ZNF69: variants seen among roughly 807,000 people sequenced by gnomAD.
ZNF69 encodes the protein ZNF3.
In ZNF69, 47 loss-of-function variants were observed where a neutral mutation model predicts 50.9. That is an observed-to-expected ratio of 0.92 (90% CI 0.73 to 1.18). ZNF69 has a LOEUF of 1.18. ZNF69 is among the 50% of genes most tolerant of loss of function. ZNF69 has a pLI of 0.00. For missense variants in ZNF69, 717 were observed against 675.1 expected (o/e 1.06, Z -0.69); for synonymous variants, 216 against 223.1 (o/e 0.97, Z 0.29).
chr19:11,888,002 C>T lies in ZNF69; in HGVS notation c.63+16C>T, dbSNP rs1008758498. On this transcript the variant is annotated intron_variant, in intron 1 of 3. Transcript: ENST00000429654. Reference sequence around the variant, plus strand: ...CCAGGAAATGGTGCGTGTCTGGGGCCGGGTGTCGTGAGACGGGGGAGGGGC... The same window carrying T: ...CCAGGAAATGGTGCGTGTCTGGGGCTGGGTGTCGTGAGACGGGGGAGGGGC... 1.4e-5 allele frequency: 22 copies of T among 1,602,858 alleles called. No homozygotes were observed. In the African/African-American group the frequency reaches 2.7e-4, roughly 20 times the overall value.
At chr19:11,920,311 C>T in the ZNF69 span, among the ~76,000 whole-genome samples, 91 of 152,152 alleles carry the variant, frequency 6.0e-4, 1 homozygote, top group East Asian at 0.011. Context: ...CAAGGTTTCA[C>T]CATGTTGGCC....
At chr19:11,953,698 A>C in the ZNF69 span, among the ~76,000 whole-genome samples, 2 of 152,214 alleles carry the variant, frequency 1.3e-5, no homozygotes, top group Non-Finnish European at 2.9e-5. Context: ...GACCCACAAT[A>C]AAAAAGGTGG....
the ZNF69 span, chr19:11,948,951 A>G: frequency 6.2e-7 from 1 of 1,608,354 alleles, no homozygotes; most frequent in South Asian, 1.1e-5. Flanking sequence ...ATCAATGCAA[A>G]GAATGTGGAA....
chr19:11,940,179 C>G, the ZNF69 span, among the ~76,000 whole-genome samples: 2 of 152,292 alleles, frequency 1.3e-5, no homozygotes, highest in East Asian at 3.9e-4. Context: ...ATCGACCTGC[C>G]TCGGCCTCCA....
the ZNF69 span, chr19:11,925,311 G>A: frequency 1.9e-6 from 3 of 1,606,754 alleles, no homozygotes; most frequent in East Asian, 2.2e-5. Context: ...GACGGGGGAG[G>A]GGCTGCCTGG....
At chr19:11,941,144 C>T in the ZNF69 span, among the ~76,000 whole-genome samples, 2 of 152,244 alleles carry the variant, frequency 1.3e-5, no homozygotes, top group Admixed American at 6.5e-5. Flanking sequence ...AAGCTAGATA[C>T]AGAGTGCCGA....
At chr19:11,891,082 A>G (rs986829572) in intron 1 of ZNF69, among the ~76,000 whole-genome samples, 2 of 152,284 alleles carry the variant, frequency 1.3e-5, no homozygotes, top group Admixed American at 6.5e-5. Context: ...GATCTCACAC[A>G]GGAAAGAATT....
the ZNF69 span, among the ~76,000 whole-genome samples, chr19:11,942,971 C>T: frequency 6.6e-6 from 1 of 152,276 alleles, no homozygotes; most frequent in East Asian, 1.9e-4. Flanking sequence ...CTACCTAGGT[C>T]TTCCTGCAAG....
At chr19:11,978,164 T>C in the ZNF69 span, 2 of 1,613,914 alleles carry the variant, frequency 1.2e-6, no homozygotes, top group Non-Finnish European at 1.7e-6. Context: ...ACAGTCATTG[T>C]GGAGAAACTT....
the ZNF69 span, chr19:11,947,607 C>G: frequency 9.3e-5 from 146 of 1,575,050 alleles, 1 homozygote; most frequent in Non-Finnish European, 1.2e-4. Flanking sequence ...AGCAGTGTCT[C>G]TCTGCACAAT....
At chr19:11,960,803 A>G in the ZNF69 span, among the ~76,000 whole-genome samples, 7 of 152,090 alleles carry the variant, frequency 4.6e-5, no homozygotes, top group African/African-American at 1.7e-4. Flanking sequence ...TTGCTCCTTC[A>G]TACAGTCATA....
the ZNF69 span, chr19:11,947,380 G>A: frequency 8.1e-6 from 13 of 1,608,110 alleles, no homozygotes; most frequent in Admixed American, 1.6e-4. Context: ...GCTGTTGAGT[G>A]ATTTTGAACA....
the ZNF69 span, chr19:11,947,725 A>G: frequency 1.2e-6 from 1 of 801,326 alleles, no homozygotes; most frequent in Non-Finnish European, 2.0e-6. Context: ...TTTAAACGTG[A>G]CTGAGGCTGA....
the ZNF69 span, among the ~76,000 whole-genome samples, chr19:11,919,683 G>A: frequency 6.6e-6 from 1 of 152,088 alleles, no homozygotes; most frequent in Non-Finnish European, 1.5e-5. Context: ...TTATAAAGGA[G>A]GGCTCTCACA....
rs1283304419 is a variant in ZNF69, at chr19:11,906,133, T to C, written c.*35T>C. ...TTCAGATCTGCCTCACACCTTTGAATGCATGGTAGGACACACAATCAAGAG... is the reference window on the plus strand; with the variant it reads ...TTCAGATCTGCCTCACACCTTTGAACGCATGGTAGGACACACAATCAAGAG... On this transcript the variant is annotated 3_prime_UTR_variant, in exon 4 of 4. Transcript: ENST00000429654. 1 of 1,600,878 alleles carries C rather than the reference T, an allele frequency of 6.2e-7. No individual in the cohort carries two copies. Among genetic ancestry groups the C allele is most frequent in the Non-Finnish European group, 8.5e-7 (1 of 1,175,796 alleles).
chr19:11,923,347 A>C, the ZNF69 span, among the ~76,000 whole-genome samples: 1 of 152,066 alleles, frequency 6.6e-6, no homozygotes, highest in African/African-American at 2.4e-5. Flanking sequence ...CCAAGTTTTC[A>C]CGTCCCGATT....
the ZNF69 span, among the ~76,000 whole-genome samples, chr19:11,936,746 G>A: frequency 3.3e-5 from 5 of 152,290 alleles, no homozygotes; most frequent in Middle Eastern, 3.4e-3. Context: ...TGGTGTTTTA[G>A]TCATGAAGTC....
chr19:11,953,562 CCA>C, the ZNF69 span, among the ~76,000 whole-genome samples: 1 of 152,214 alleles, frequency 6.6e-6, no homozygotes, highest in Admixed American at 6.5e-5. Context: ...TTTTAGCAAT[CCA>C]CACACTCGTG....
At chr19:11,920,831 C>T in the ZNF69 span, among the ~76,000 whole-genome samples, 1 of 152,170 alleles carries the variant, frequency 6.6e-6, no homozygotes, top group Non-Finnish European at 1.5e-5. Flanking sequence ...ACTACCAGAA[C>T]TTGTTCAATT....
Sources: gnomAD v4.1 joint callset for allele counts (sites outside exome capture counted in the v4.1 genomes callset) on GRCh38, gnomAD v4.1.1 for gene constraint, MANE v1.5 for transcripts, NCBI Gene and HGNC (gene_info 2026-07-23, HGNC 2026-07-21) for gene names.